CNOT4: variants seen among roughly 807,000 people sequenced by gnomAD.
CNOT4 encodes CCR4-NOT transcription complex subunit 4.
CNOT4 carries 8 observed loss-of-function variants against 73.8 expected under a neutral mutation model. That is an observed-to-expected ratio of 0.11 (90% CI 0.06 to 0.20). The LOEUF (loss-of-function observed/expected upper bound fraction) is 0.20, where lower values mean the gene tolerates loss of function less well. Ranked by LOEUF, CNOT4 falls within the 10% of genes least tolerant of loss-of-function variation. The pLI, the probability that CNOT4 is intolerant of heterozygous loss-of-function variation, is 1.00. For synonymous variants in CNOT4, 293 were observed against 321.1 expected (o/e 0.91, Z 0.94); for missense variants, 564 against 883.4 (o/e 0.64, Z 4.58).
intron 1 of CNOT4, among the ~76,000 whole-genome samples, chr7:135,448,413 G>A (rs1024380231): frequency 2.6e-5 from 4 of 151,806 alleles, no homozygotes; most frequent in Admixed American, 1.3e-4. Flanking sequence ...GCGTGGTGGC[G>A]GGCACCTGTA....
chr7:135,459,063 C>G (rs1032685157), intron 1 of CNOT4, among the ~76,000 whole-genome samples: 1 of 151,908 alleles, frequency 6.6e-6, no homozygotes, highest in Admixed American at 6.6e-5. Context: ...AATAAGATTA[C>G]GTGAAACTCA....
In CNOT4 at chr7:135,440,236, A is replaced by AG. The variant is rs560274087; in HGVS notation, c.-92-1814_-92-1813insC. On this transcript the variant is annotated intron_variant, in intron 1 of 11. Coordinates refer to ENST00000541284, the MANE Select transcript of CNOT4 (RefSeq NM_001190850.2). ...ACAGACAAGTTAAAAAAAAAAAAAA[A>AG]AGAGACAAGAAAATGATAAGCAGTT... Among the ~76,000 whole-genome samples the AG allele has an allele frequency of 4.0e-4, 60 of 151,548 alleles. No individual in the cohort carries two copies. In the East Asian group the frequency reaches 0.011, roughly 27 times the overall value.
intron 2 of CNOT4, among the ~76,000 whole-genome samples, chr7:135,425,230 T>C (rs1219337521): frequency 6.6e-6 from 1 of 152,236 alleles, no homozygotes; most frequent in Non-Finnish European, 1.5e-5. Context: ...TTCTGGGACT[T>C]AGATTTTTCT....
At chr7:135,399,018 T>C (rs910051043) in intron 7 of CNOT4, among the ~76,000 whole-genome samples, 2 of 152,092 alleles carry the variant, frequency 1.3e-5, no homozygotes, top group Admixed American at 6.6e-5. Context: ...TATTTTCACA[T>C]AGAGAAAATG....
chr7:135,384,803 T>C, intron 10 of CNOT4: 1 of 740,498 alleles, frequency 1.4e-6, no homozygotes, highest in Non-Finnish European at 2.5e-6. Flanking sequence ...CCCATCTAGT[T>C]AGCATCTTGT....
rs1563006102 is a variant in CNOT4, at chr7:135,363,583, T to G, written c.1840+271A>C. Among the ~76,000 whole-genome samples, 2 of 152,216 alleles carry G rather than the reference T, an allele frequency of 1.3e-5. No homozygotes were observed. Among genetic ancestry groups the G allele is most frequent in the Non-Finnish European group, 2.9e-5 (2 of 68,038 alleles). ...AAGAGTAAGTCAGATCCTTTTGTACTTTGAGGCCTACAAAATACACATGTT... is the reference window on the plus strand; with the variant it reads ...AAGAGTAAGTCAGATCCTTTTGTACGTTGAGGCCTACAAAATACACATGTT... On this transcript the variant is annotated intron_variant, in intron 11 of 11. Coordinates refer to ENST00000541284, the MANE Select transcript of CNOT4 (RefSeq NM_001190850.2). This position sits in a 1 kb window ranked among gnomAD's most constrained non-coding sequence, Gnocchi z 4.3.
At chr7:135,397,570 A>T (rs770506370) in intron 8 of CNOT4, among the ~76,000 whole-genome samples, 20 of 151,618 alleles carry the variant, frequency 1.3e-4, no homozygotes, top group Admixed American at 4.6e-4. Context: ...TACCAATGTA[A>T]GAAGATGTAT....
chr7:135,444,603 T>G, intron 1 of CNOT4: 1 of 1,338,276 alleles, frequency 7.5e-7, no homozygotes, highest in Non-Finnish European at 1.1e-6. Flanking sequence ...GCACATACAC[T>G]TGTCACCGAG....
intron 2 of CNOT4, among the ~76,000 whole-genome samples, chr7:135,427,051 C>T (rs1390518928): frequency 6.6e-6 from 1 of 151,976 alleles, no homozygotes; most frequent in African/African-American, 2.4e-5. Flanking sequence ...TACTATTGTG[C>T]ATTACATATC....
At position 135,445,741 on chromosome 7, in the gene CNOT4, T is replaced by TA. The variant is rs1323642026; in HGVS notation, c.-92-7319dup. Among the ~76,000 whole-genome samples the TA allele has an allele frequency of 2.0e-5, 3 of 152,022 alleles. No homozygotes were observed. In the South Asian group the frequency reaches 6.2e-4, roughly 31 times the overall value. ...TTTTAAATAAAATGTTGTATAATAA[T>TA]AAAAAAAGACTATATTCAGTCACAA... On this transcript the variant is annotated intron_variant, in intron 1 of 11. Coordinates refer to ENST00000541284, the MANE Select transcript of CNOT4 (RefSeq NM_001190850.2).
chr7:135,480,329 T>G (rs1410112534), intron 1 of CNOT4, among the ~76,000 whole-genome samples: 1 of 152,232 alleles, frequency 6.6e-6, no homozygotes, highest in Non-Finnish European at 1.5e-5. Context: ...ATCCTAGTCA[T>G]TAAATCTCAC....
intron 10 of CNOT4, among the ~76,000 whole-genome samples, chr7:135,371,552 G>A (rs1445936699): frequency 2.0e-5 from 3 of 152,044 alleles, no homozygotes; most frequent in African/African-American, 7.2e-5. Flanking sequence ...AATACAGTGG[G>A]AACATTTCAA....
At chr7:135,366,794 T>C (rs1252367493) in intron 10 of CNOT4, among the ~76,000 whole-genome samples, 1 of 152,210 alleles carries the variant, frequency 6.6e-6, no homozygotes, top group Non-Finnish European at 1.5e-5. Flanking sequence ...ACTATTGCTA[T>C]GCCAAGTGCT....
chr7:135,395,585 C>T (rs753077928), intron 9 of CNOT4, 49 bp downstream of exon 9: 3 of 1,559,210 alleles, frequency 1.9e-6, no homozygotes, highest in South Asian at 2.4e-5. Flanking sequence ...AGTCTGTCAA[C>T]AATACGTTAA....
intron 1 of CNOT4, among the ~76,000 whole-genome samples, chr7:135,507,955 G>A (rs1395702238): frequency 6.6e-6 from 1 of 152,146 alleles, no homozygotes; most frequent in East Asian, 1.9e-4. Context: ...TGGGGCTTAA[G>A]TGGCTGAAAG....
At chr7:135,412,906 G>A (rs760745324) in intron 6 of CNOT4, among the ~76,000 whole-genome samples, 2 of 151,950 alleles carry the variant, frequency 1.3e-5, no homozygotes, top group Non-Finnish European at 2.9e-5. Flanking sequence ...AAGGAGACAG[G>A]AGAAGAGGAA....
intron 1 of CNOT4, among the ~76,000 whole-genome samples, chr7:135,455,790 C>T (rs1473948743): frequency 6.6e-6 from 1 of 152,074 alleles, no homozygotes; most frequent in Admixed American, 6.6e-5. Flanking sequence ...ACGAGGTGAA[C>T]CTGTGAGGTG....
intron 1 of CNOT4, among the ~76,000 whole-genome samples, chr7:135,485,782 C>T (rs1802681616): frequency 6.6e-6 from 1 of 152,190 alleles, no homozygotes; most frequent in East Asian, 1.9e-4. Flanking sequence ...AAAACTAGAT[C>T]CAAATGTTAT....
At chr7:135,460,257 T>C (rs1290150474) in intron 1 of CNOT4, among the ~76,000 whole-genome samples, 1 of 152,238 alleles carries the variant, frequency 6.6e-6, no homozygotes, top group Non-Finnish European at 1.5e-5. Flanking sequence ...TCAATTTCCC[T>C]CAAGTTTTCC....
Sources: allele counts gnomAD v4.1 joint callset (sites outside exome capture counted in the v4.1 genomes callset), GRCh38; gene constraint gnomAD v4.1.1; non-coding constraint Gnocchi (gnomAD v3.1); transcripts MANE v1.5; gene names NCBI Gene and HGNC (gene_info 2026-07-23, HGNC 2026-07-21).